The following ZBTB16 variants were observed in gnomAD, a reference collection of about 807,000 sequenced individuals.
ZBTB16 encodes zinc finger and BTB domain-containing protein 16.
ZBTB16 carries 8 observed loss-of-function variants against 56.8 expected under a neutral mutation model. That is an observed-to-expected ratio of 0.14 (90% CI 0.08 to 0.25). The LOEUF is 0.25. Among genes scored for constraint, ZBTB16 ranks in the 10% least tolerant of loss-of-function variants. The pLI, the probability that ZBTB16 is intolerant of heterozygous loss-of-function variation, is 1.00. For synonymous variants in ZBTB16, 363 were observed against 368.5 expected (o/e 0.98, Z 0.17); for missense variants, 625 against 903.0 (o/e 0.69, Z 3.95).
At chr11:114,178,383 T>G (rs1943169806) in intron 3 of ZBTB16, among the ~76,000 whole-genome samples, 2 of 152,222 alleles carry the variant, frequency 1.3e-5, no homozygotes, top group African/African-American at 4.8e-5. Context: ...TGAGCCCAGT[T>G]TTCTAGGTAA....
intron 4 of ZBTB16, among the ~76,000 whole-genome samples, chr11:114,210,192 TGCGTGCGCGCGC>T (rs1207662375): frequency 1.4e-5 from 2 of 143,238 alleles, no homozygotes; most frequent in African/African-American, 5.1e-5. Flanking sequence ...TGTGTGTGTG[TGCGTGCGCGCGC>T]GTGCACAGTT....
intron 2 of ZBTB16, among the ~76,000 whole-genome samples, chr11:114,101,032 A>G (rs990669472): frequency 6.6e-6 from 1 of 151,518 alleles, no homozygotes; most frequent in Non-Finnish European, 1.5e-5. Context: ...ACAGGGTCTT[A>G]CTCTGTTGCT....
intron 2 of ZBTB16, among the ~76,000 whole-genome samples, chr11:114,081,767 T>A (rs1372487056): frequency 2.0e-5 from 3 of 152,074 alleles, no homozygotes; most frequent in Non-Finnish European, 4.4e-5. Flanking sequence ...AAAATTGTGG[T>A]CAGGGCCAGG....
chr11:114,130,937 G>A (rs1348596145), intron 2 of ZBTB16, among the ~76,000 whole-genome samples: 1 of 152,220 alleles, frequency 6.6e-6, no homozygotes, highest in Non-Finnish European at 1.5e-5. Context: ...CTGCTGAAAT[G>A]CTTTGCAAAA....
chr11:114,133,616 C>T (rs1347711568), intron 2 of ZBTB16, among the ~76,000 whole-genome samples: 2 of 152,154 alleles, frequency 1.3e-5, no homozygotes, highest in Non-Finnish European at 2.9e-5. Flanking sequence ...TCCTGTGGTC[C>T]CTTTAGTGAC....
At chr11:114,194,122 G>T (rs943081517) in intron 4 of ZBTB16, among the ~76,000 whole-genome samples, 1 of 152,090 alleles carries the variant, frequency 6.6e-6, no homozygotes, top group Non-Finnish European at 1.5e-5. Context: ...CTAAGAAGCC[G>T]CAACACCCTG....
intron 3 of ZBTB16, among the ~76,000 whole-genome samples, chr11:114,177,160 A>G (rs1943137083): frequency 1.3e-5 from 2 of 152,180 alleles, no homozygotes; most frequent in South Asian, 2.1e-4. Flanking sequence ...TACTTCATAT[A>G]GTTTCTTGTT....
intron 3 of ZBTB16, among the ~76,000 whole-genome samples, chr11:114,170,812 A>G (rs967122327): frequency 6.6e-6 from 1 of 152,210 alleles, no homozygotes; most frequent in Non-Finnish European, 1.5e-5. Flanking sequence ...TTCAGTAACA[A>G]GGTAACTCCG....
At chr11:114,238,978 C>T (rs1280578826) in intron 4 of ZBTB16, among the ~76,000 whole-genome samples, 2 of 152,214 alleles carry the variant, frequency 1.3e-5, no homozygotes, top group African/African-American at 4.8e-5. Context: ...GTCTGGGACC[C>T]AGTTTCTCTG....
rs1945001980 is a variant in ZBTB16, at chr11:114,256,017, G to GT, written c.*5466dup. ...CCTTTTTATTGAAGTACTTGGTTTT[G>GT]TTTTGTTTTTTTTTTTTGTTTTTTT... is the stretch of plus-strand genomic sequence containing the variant. On this transcript the variant is annotated 3_prime_UTR_variant, in exon 7 of 7. Transcript: ENST00000335953. Among the ~76,000 whole-genome samples the GT allele has an allele frequency of 1.1e-4, 7 of 66,308 alleles. No individual in the cohort carries two copies. Among genetic ancestry groups the GT allele is most frequent in the African/African-American group, 1.5e-4 (3 of 20,212 alleles). The allele number at this position is 66,308 out of a possible 152,430, so 43.5% of individuals were successfully genotyped here.
chr11:114,159,938 G>A (rs979070489), intron 3 of ZBTB16, among the ~76,000 whole-genome samples: 1 of 65,678 alleles, frequency 1.5e-5, no homozygotes, highest in Non-Finnish European at 2.8e-5. Flanking sequence ...CGGGGGAGGC[G>A]GGGGGGAGGC....
At chr11:114,097,142 T>C (rs1407762093) in intron 2 of ZBTB16, among the ~76,000 whole-genome samples, 2 of 152,348 alleles carry the variant, frequency 1.3e-5, no homozygotes, top group East Asian at 3.9e-4. Context: ...TTCTGACACA[T>C]GGTACAACAC....
intron 4 of ZBTB16, among the ~76,000 whole-genome samples, chr11:114,208,801 A>AC (rs1943940398): frequency 6.6e-6 from 1 of 152,218 alleles, no homozygotes; most frequent in African/African-American, 2.4e-5. Context: ...AGGGAAACAG[A>AC]CTGGTCCATT....
intron 2 of ZBTB16, among the ~76,000 whole-genome samples, chr11:114,141,366 C>A (rs573740901): frequency 2.6e-4 from 40 of 152,322 alleles, no homozygotes; most frequent in African/African-American, 9.4e-4. Context: ...CTTCTGCACA[C>A]CCATAGTGAT....
chr11:114,115,955 C>A (rs1941159624), intron 2 of ZBTB16, among the ~76,000 whole-genome samples: 1 of 152,170 alleles, frequency 6.6e-6, no homozygotes, highest in South Asian at 2.1e-4. Flanking sequence ...GCTGGCTATA[C>A]CCCCTCCCCA....
intron 4 of ZBTB16, among the ~76,000 whole-genome samples, chr11:114,230,839 C>A (rs1407157889): frequency 6.6e-6 from 1 of 152,126 alleles, no homozygotes; most frequent in Admixed American, 6.5e-5. Flanking sequence ...CTCCCCTCCC[C>A]ACTCCATTCT....
At chr11:114,247,427 A>T in intron 6 of ZBTB16, 62 bp downstream of exon 6, 1 of 1,608,084 alleles carries the variant, frequency 6.2e-7, no homozygotes, top group Non-Finnish European at 8.5e-7. Context: ...TGGGAAGCAG[A>T]TAGTCTCCTA....
At chr11:114,243,650 C>T (rs1264970168) in intron 5 of ZBTB16, among the ~76,000 whole-genome samples, 1 of 152,202 alleles carries the variant, frequency 6.6e-6, no homozygotes, top group Non-Finnish European at 1.5e-5. Context: ...TTCTCTACAG[C>T]GATTGCGTAA....
intron 4 of ZBTB16, among the ~76,000 whole-genome samples, chr11:114,236,437 C>T (rs936684865): frequency 7.2e-5 from 11 of 152,274 alleles, no homozygotes; most frequent in African/African-American, 2.6e-4. Flanking sequence ...CAAAACTGAT[C>T]CTTCTATGGT....
Sources: allele counts gnomAD v4.1 joint callset (sites outside exome capture counted in the v4.1 genomes callset), GRCh38; gene constraint gnomAD v4.1.1; transcripts MANE v1.5; gene names NCBI Gene and HGNC (gene_info 2026-07-23, HGNC 2026-07-21).